Variants in BEST1 observed in about 807,000 individuals in gnomAD.
BEST1 encodes the protein bestrophin 1, also known as bestrophin-1.
BEST1 carries 58 observed loss-of-function variants against 63.3 expected under a neutral mutation model. That is an observed-to-expected ratio of 0.92 (90% confidence interval 0.74 to 1.14). BEST1 has a LOEUF of 1.14. BEST1 is among the 50% of genes most tolerant of loss of function. BEST1 has a pLI of 0.00. For missense variants in BEST1, 671 were observed against 740.1 expected (o/e 0.91, Z 1.08); for synonymous variants, 283 against 291.6 (o/e 0.97, Z 0.30).
At chr11:61,955,383 G>A in intron 3 of BEST1, 182 bp downstream of exon 3, 2 of 1,466,296 alleles carry the variant, frequency 1.4e-6, no homozygotes, top group Non-Finnish European at 1.8e-6. Flanking sequence ...GAAGTTAGAC[G>A]TTAGGTAAGA....
chr11:61,950,730 GAGGAAACAGGC>G (rs751384819), intron 1 of BEST1, among the ~76,000 whole-genome samples: 11 of 152,342 alleles, frequency 7.2e-5, no homozygotes, highest in Non-Finnish European at 1.5e-4. Flanking sequence ...CCATTCTGAG[GAGGAAACAGGC>G]AGGAAACAGG....
downstream of BEST1, chr11:61,964,561 C>A: frequency 1.2e-6 from 1 of 808,874 alleles, no homozygotes; most frequent in Middle Eastern, 3.5e-4. Flanking sequence ...TCAAAGACAA[C>A]ACCTGGGTAC....
rs558776825 is a variant in BEST1, at chr11:61,964,085, A to G, written c.1740-19A>G. 2.5e-6 allele frequency: 4 copies of G among 1,613,746 alleles called. No individual in the cohort carries two copies. The highest frequency in any genetic ancestry group is 2.7e-5 in the African/African-American group (2 of 74,976). ...GGGACCTTCCATACTTATGCTGTTA[A>G]TACTTTCATTCTCACTAGGGATGAA... On this transcript the variant is annotated intron_variant, in intron 10 of 10. Transcript: ENST00000378043.
At position 61,963,580 on chromosome 11, in the gene BEST1, T is replaced by C. The variant is rs58101003; in HGVS notation, c.1740-524T>C. 1.9e-5 allele frequency: 20 copies of C among 1,026,496 alleles called. 2 individuals are homozygous for C. The African/African-American group carries it at 2.2e-4, about 11-fold the overall frequency. The allele number at this position is 1,026,496 out of a possible 1,614,324, so 63.6% of individuals were successfully genotyped here. ...TCAGCCCCAATCACGTGGGAGGAAG[T>C]GTAACTTCCCTTTTCTGGATTCTCA... On this transcript the variant is annotated intron_variant, in intron 10 of 10. Coordinates refer to ENST00000378043, the MANE Select transcript of BEST1 (RefSeq NM_004183.4).
chr11:61,956,684 T>C (rs1671251627), intron 4 of BEST1, among the ~76,000 whole-genome samples, 160 bp from the exon 5 acceptor site: 1 of 152,160 alleles, frequency 6.6e-6, no homozygotes, highest in East Asian at 1.9e-4. Context: ...CCTGCCCACA[T>C]GCTCAGCCCA....
intron 2 of BEST1, among the ~76,000 whole-genome samples, chr11:61,952,389 C>T (rs1424029863): frequency 1.3e-5 from 2 of 151,824 alleles, no homozygotes; most frequent in African/African-American, 4.8e-5. Flanking sequence ...TCAAGCAATC[C>T]CCCTGCCTTA....
rs768421538 is a variant in BEST1, at chr11:61,958,217, G to A, written c.786G>A (p.Lys262=). 7 of 1,614,166 alleles carry A rather than the reference G, an allele frequency of 4.3e-6. No homozygotes were observed. The highest frequency in any genetic ancestry group is 5.9e-6 in the Non-Finnish European group (7 of 1,180,014). The change falls in exon 7 of 11, where the codon AAG becomes AAA. Residue 262 remains lysine (K), a synonymous_variant. Coordinates refer to ENST00000378043, the MANE Select transcript of BEST1 (RefSeq NM_004183.4). ...GGCGGCAGTTTCTGAACCCAGCCAA[G>A]GCCTACCCTGGCCATGAGCTGGACC... is the stretch of plus-strand genomic sequence containing the variant. ...LVGRQFLNPA[K]AYPGHELDLV...
At chr11:61,951,335 G>A (rs1169919955) in intron 1 of BEST1, among the ~76,000 whole-genome samples, 1 of 152,112 alleles carries the variant, frequency 6.6e-6, no homozygotes, top group Non-Finnish European at 1.5e-5. Flanking sequence ...AGCCTCCTGA[G>A]TAGCTGGGAT....
In BEST1 at chr11:61,958,402, G is replaced by A. The variant is rs758055655; in HGVS notation, c.867+104G>A. 1.5e-5 allele frequency: 24 copies of A among 1,586,310 alleles called. No homozygotes were observed. The Admixed American group carries it at 2.7e-4, about 18-fold the overall frequency. ...CAGTGTCAGGAAAGGAAGGTCTCACGGGTAGAAAGCAGCCAGGCGTGGTGG... is the reference window on the plus strand; with the variant it reads ...CAGTGTCAGGAAAGGAAGGTCTCACAGGTAGAAAGCAGCCAGGCGTGGTGG... On this transcript the variant is annotated intron_variant, in intron 7 of 10. Coordinates refer to ENST00000378043, the MANE Select transcript of BEST1 (RefSeq NM_004183.4).
In BEST1 at chr11:61,955,123, G is replaced by T. The variant is rs1382219910; in HGVS notation, c.169G>T (p.Glu57Ter). ...CACCCCCAGGCTGGCCCTCACGGAA[G>T]AACAACAGCTGATGTTTGAGAAACT... Reference protein sequence around the residue: ...RFIYRLALTEEQQLMFEKLTL... With the variant: ...RFIYRLALTE The change falls in exon 3 of 11, where the codon GAA becomes TAA. Residue 57 changes from glutamate (E) to a stop codon, truncating the protein, a stop_gained. Coordinates refer to ENST00000378043, the MANE Select transcript of BEST1 (RefSeq NM_004183.4). LOFTEE classifies it high-confidence loss of function. 1 of 1,607,320 alleles carries T rather than the reference G, an allele frequency of 6.2e-7. No homozygotes were observed. Among genetic ancestry groups the T allele is most frequent in the South Asian group, 1.1e-5 (1 of 90,984 alleles).
At chr11:61,959,184 G>T (rs1377700969) in intron 7 of BEST1, 5 of 433,744 alleles carry the variant, frequency 1.2e-5, no homozygotes, top group Non-Finnish European at 2.2e-5. Flanking sequence ...TTGCATGAAT[G>T]AATAAAATTA....
intron 10 of BEST1, chr11:61,963,183 C>T: frequency 7.0e-7 from 1 of 1,437,590 alleles, no homozygotes; most frequent in Non-Finnish European, 9.1e-7. Context: ...TGGAGAACTG[C>T]CCCAGGGCTG....
chr11:61,961,869 C>G (rs1254417767), intron 9 of BEST1: 5 of 223,866 alleles, frequency 2.2e-5, no homozygotes, highest in Non-Finnish European at 4.5e-5. Flanking sequence ...ACCACAAATT[C>G]CTGGCATTGC....
In BEST1 at chr11:61,964,104, G is replaced by C. The variant is rs1024500096; in HGVS notation, c.1740G>C (p.Arg580Ser). The change falls in exon 11 of 11, where the codon AGG becomes AGC. Residue 580 changes from arginine (R) to serine (S), a missense_variant and splice_region_variant. Coordinates refer to ENST00000378043, the MANE Select transcript of BEST1 (RefSeq NM_004183.4). The stretch of plus-strand genomic sequence containing the variant: ...CTGTTAATACTTTCATTCTCACTAG[G>C]GATGAAGCACATTCCTAACCTGCTT... ...HMDPYWALEN[R>S]DEAHS is the part of the protein sequence containing the mutation. 1.2e-6 allele frequency: 2 copies of C among 1,613,846 alleles called. No homozygotes were observed. Among genetic ancestry groups the C allele is most frequent in the Admixed American group, 1.7e-5 (1 of 60,000 alleles).
chr11:61,960,434 G>GCA (rs1455330768), intron 9 of BEST1: 2 of 266,238 alleles, frequency 7.5e-6, no homozygotes, highest in African/African-American at 4.4e-5. Flanking sequence ...GCAGTGGCGT[G>GCA]ATCTTGGCTC....
intron 2 of BEST1, 131 bp from the exon 3 acceptor site, chr11:61,954,976 C>T (rs951794867): frequency 2.0e-6 from 3 of 1,518,710 alleles, no homozygotes; most frequent in Non-Finnish European, 2.6e-6. Context: ...CAGGAGGGGC[C>T]CTGGGCTGGG....
intron 10 of BEST1, chr11:61,963,692 A>C: frequency 9.2e-7 from 1 of 1,087,130 alleles, no homozygotes; most frequent in Non-Finnish European, 1.1e-6. Flanking sequence ...CTAGGGCTAG[A>C]CAGGAACTTG....
At position 61,960,059 on chromosome 11, in the gene BEST1, G is replaced by A; in HGVS notation, c.1100+16G>A. 1.9e-6 allele frequency: 3 copies of A among 1,603,990 alleles called. No individual in the cohort carries two copies. Among genetic ancestry groups the A allele is most frequent in the Non-Finnish European group, 2.6e-6 (3 of 1,175,844 alleles). ...TCAACATCAGGTGTGGCCAGAGCCA[G>A]GGGGCTGGGTGGGAAGCCCCTCCTA... On this transcript the variant is annotated intron_variant, in intron 9 of 10. Coordinates refer to ENST00000378043, the MANE Select transcript of BEST1 (RefSeq NM_004183.4).
At position 61,959,898 on chromosome 11, in the gene BEST1, C is replaced by G. The variant is rs199960774; in HGVS notation, c.955C>G (p.Leu319Val). 1.2e-6 allele frequency: 2 copies of G among 1,613,826 alleles called. No homozygotes were observed. The highest frequency in any genetic ancestry group is 1.7e-6 in the Non-Finnish European group (2 of 1,179,866). ...TTCTGTCCCTGGTGACCAGGTGTCC[C>G]TGTTGGCTGTGGATGAGATGCACCA... Reference protein sequence around the residue: ...WIVDRNLQVSLLAVDEMHQDL... With the variant: ...WIVDRNLQVSVLAVDEMHQDL... The change falls in exon 9 of 11, where the codon CTG (leucine) becomes GTG (valine). Residue 319 changes from leucine to valine, a missense_variant. Leu to Val is a conservative substitution (Grantham distance 32). Transcript: ENST00000378043.
Sources: allele counts gnomAD v4.1 joint callset (sites outside exome capture counted in the v4.1 genomes callset), GRCh38; gene constraint gnomAD v4.1.1; transcripts MANE v1.5; gene names NCBI Gene and HGNC (gene_info 2026-07-23, HGNC 2026-07-21).